Variants in IMPG1 observed in about 807,000 individuals in gnomAD.
The protein encoded by IMPG1 is interphotoreceptor matrix proteoglycan 1.
In IMPG1, 85 loss-of-function variants were observed where a neutral mutation model predicts 92.0. The observed-to-expected ratio is 0.92, with a 90% CI of 0.78 to 1.11. The LOEUF (loss-of-function observed/expected upper bound fraction) is 1.11. IMPG1 is among the 50% of genes least tolerant of loss of function. IMPG1 has a pLI of 0.00. For missense variants in IMPG1, 1,022 were observed against 956.0 expected (o/e 1.07, Z -0.91); for synonymous variants, 367 against 334.1 (o/e 1.10, Z -1.08).
chr6:76,061,641 T>G (rs1336568354), intron 1 of IMPG1, among the ~76,000 whole-genome samples: 1 of 152,212 alleles, frequency 6.6e-6, no homozygotes, highest in Non-Finnish European at 1.5e-5. Flanking sequence ...CCAAATGTAA[T>G]GTAAAAGACA....
chr6:75,941,431 G>A (rs1781834951), intron 14 of IMPG1, among the ~76,000 whole-genome samples: 2 of 152,180 alleles, frequency 1.3e-5, no homozygotes, highest in Admixed American at 6.5e-5. Context: ...GGGTCAATCT[G>A]ACCAGCTGCC....
chr6:75,947,468 G>C lies in IMPG1; in HGVS notation c.1890C>G (p.Asn630Lys). The C allele has an allele frequency of 6.2e-7, 1 of 1,613,660 alleles. No homozygotes were observed. Among genetic ancestry groups the C allele is most frequent in the South Asian group, 1.1e-5 (1 of 91,068 alleles). ...TTTTGCTATTCACAATCACACTCCC[G>C]TTTCTGAAGTTAAGTATTTCAAGTT... ...FKQLEILNFRNGSVIVNSKMK... is the reference protein window; with the variant it reads ...FKQLEILNFRKGSVIVNSKMK... The change falls in exon 14 of 17, where the codon AAC (asparagine) becomes AAG (lysine). Residue 630 changes from asparagine to lysine, a missense_variant. Physicochemically the swap from Asn to Lys is moderately conservative, Grantham distance 94. Around this residue, in one of 3 missense-constraint regions of IMPG1, gnomAD observed 332 missense variants for 346.2 expected, o/e 0.96. Transcript: ENST00000369950.
At chr6:75,989,702 G>A (rs1351730452) in intron 12 of IMPG1, among the ~76,000 whole-genome samples, 1 of 152,158 alleles carries the variant, frequency 6.6e-6, no homozygotes, top group African/African-American at 2.4e-5. Context: ...AATGAGCTGG[G>A]TGTGGTGGCG....
chr6:75,931,726 GATTA>G (rs1349572606), intron 14 of IMPG1, among the ~76,000 whole-genome samples: 2 of 152,114 alleles, frequency 1.3e-5, no homozygotes, highest in African/African-American at 4.8e-5. Flanking sequence ...CATTCTTTTG[GATTA>G]ATTATTTCTT....
At chr6:76,002,547 A>G (rs576216217) in intron 12 of IMPG1, among the ~76,000 whole-genome samples, 3 of 152,320 alleles carry the variant, frequency 2.0e-5, no homozygotes, top group East Asian at 1.9e-4. Flanking sequence ...GCTGCTTGTC[A>G]TGGACTTGGG....
At position 75,950,545 on chromosome 6, in the gene IMPG1, G is replaced by A. The variant is rs1221858795; in HGVS notation, c.1824+17C>T. The stretch of plus-strand genomic sequence containing the variant: ...GAAGAGACAAAGAATTGGGAATTGT[G>A]AGCAGTGCCCACTCACCAGCTGTGT... On this transcript the variant is annotated intron_variant, in intron 13 of 16. Transcript: ENST00000369950. 1.3e-6 allele frequency: 2 copies of A among 1,564,770 alleles called. No individual in the cohort carries two copies. The highest frequency in any genetic ancestry group is 2.4e-5 in the South Asian group (2 of 82,780).
intron 12 of IMPG1, among the ~76,000 whole-genome samples, chr6:75,964,295 A>G (rs550923258): frequency 6.6e-4 from 101 of 152,346 alleles, no homozygotes; most frequent in African/African-American, 2.3e-3. Context: ...TAGACAGTGC[A>G]TAACATTGTA....
chr6:76,059,870 C>A (rs1784176415), intron 1 of IMPG1, among the ~76,000 whole-genome samples: 1 of 152,156 alleles, frequency 6.6e-6, no homozygotes, highest in Admixed American at 6.5e-5. Flanking sequence ...GATCTGGGTA[C>A]AATGGGTTAA....
At position 76,068,606 on chromosome 6, in the gene IMPG1, T is replaced by C. The variant is rs544700422; in HGVS notation, c.67+3816A>G. ...CTCAGCTTACCGCAATTTCCACCCCTGTTGAGTTCAAGTGATTTTCCTGCC... is the reference window on the plus strand; with the variant it reads ...CTCAGCTTACCGCAATTTCCACCCCCGTTGAGTTCAAGTGATTTTCCTGCC... On this transcript the variant is annotated intron_variant, in intron 1 of 16. Coordinates refer to ENST00000369950, the MANE Select transcript of IMPG1 (RefSeq NM_001563.4). Among the ~76,000 whole-genome samples, 308 of 144,066 alleles carry C rather than the reference T, an allele frequency of 2.1e-3. 2 individuals carry two copies. The highest frequency in any genetic ancestry group is 3.8e-3 in the Non-Finnish European group (256 of 66,802). The allele number at this position is 144,066 out of a possible 152,430, so 94.5% of individuals were successfully genotyped here.
In IMPG1 at chr6:75,979,665, G is replaced by A. The variant is rs544924179; in HGVS notation, c.1291+23253C>T. On this transcript the variant is annotated intron_variant, in intron 12 of 16. Transcript: ENST00000369950. ...GATATTTTAGTAAACGCCAAGCAAG[G>A]AGTCCAGATATTCATTTTTGCAATG... Among the ~76,000 whole-genome samples the A allele has an allele frequency of 2.4e-4, 37 of 152,286 alleles. 1 individual carries two copies. Among genetic ancestry groups the A allele is most frequent in the Admixed American group, 1.9e-3 (29 of 15,298 alleles).
intron 1 of IMPG1, among the ~76,000 whole-genome samples, chr6:76,050,252 C>T (rs1185673408): frequency 6.6e-6 from 1 of 151,932 alleles, no homozygotes; most frequent in Non-Finnish European, 1.5e-5. Context: ...CTAGCCTGGC[C>T]AACATGGTGA....
rs1055688042 is a variant in IMPG1, at chr6:76,025,147, T to C, written c.562+47A>G. 2.9e-6 allele frequency: 3 copies of C among 1,047,056 alleles called. No homozygotes were observed. In the African/African-American group the frequency reaches 4.8e-5, roughly 17 times the overall value. 64.9% of individuals were successfully genotyped at this position (1,047,056 alleles called of 1,614,324 possible). A position where few individuals can be genotyped will look rare whatever the true frequency, so the allele number is the denominator to read the frequency against. On this transcript the variant is annotated intron_variant, in intron 5 of 16. Transcript: ENST00000369950. ...TTTTATAAATAACATGCTATCATGA[T>C]GATTTGAATGAAAGTTGAGAAGCAA...
rs368767893 is a variant in IMPG1 at position 76,035,635 on chromosome 6, A to G, written c.302-848T>C. ...CTTGAAGACTTTCCAAGTGATGAGCAGGCACACAATATTTAAAGAGAATCA... is the reference window on the plus strand; with the variant it reads ...CTTGAAGACTTTCCAAGTGATGAGCGGGCACACAATATTTAAAGAGAATCA... On this transcript the variant is annotated intron_variant, in intron 2 of 16. Transcript: ENST00000369950. Among the ~76,000 whole-genome samples the G allele has an allele frequency of 1.7e-4, 26 of 152,316 alleles. No homozygotes were observed. The East Asian group carries it at 2.5e-3, about 15-fold the overall frequency.
intron 14 of IMPG1, among the ~76,000 whole-genome samples, chr6:75,940,470 TAA>T (rs1488538357): frequency 6.6e-6 from 1 of 152,258 alleles, no homozygotes; most frequent in African/African-American, 2.4e-5. Flanking sequence ...ATATTTTTCC[TAA>T]GTTTTTCCAA....
chr6:75,952,266 T>C (rs1782046144), intron 12 of IMPG1, among the ~76,000 whole-genome samples: 1 of 152,090 alleles, frequency 6.6e-6, no homozygotes, highest in South Asian at 2.1e-4. Context: ...TTTTGGCAAA[T>C]ATGCAGGAAA....
At chr6:75,962,695 T>C (rs1439119987) in intron 12 of IMPG1, among the ~76,000 whole-genome samples, 1 of 151,926 alleles carries the variant, frequency 6.6e-6, no homozygotes, top group African/African-American at 2.4e-5. Context: ...ACAATTGCAA[T>C]GGAAAGTTTG....
intron 1 of IMPG1, among the ~76,000 whole-genome samples, chr6:76,071,089 A>G (rs954121530): frequency 4.0e-5 from 6 of 149,596 alleles, no homozygotes; most frequent in Non-Finnish European, 7.4e-5. Context: ...TTCAATTCCT[A>G]TATGTATAAT....
Position 75,923,627 on chromosome 6 carries a change from A to AT in IMPG1, c.2316+6dup, listed in dbSNP as rs762256285. Reference sequence around the variant, plus strand: ...AATTGCAACCAACTTAGAAAGTATGATTTTACCTTGTTATTTTGTTGATTT... The same window carrying AT: ...AATTGCAACCAACTTAGAAAGTATGATTTTTACCTTGTTATTTTGTTGATTT... On this transcript the variant is annotated splice_region_variant and intron_variant, in intron 16 of 16. Transcript: ENST00000369950. The AT allele has an allele frequency of 1.1e-5, 15 of 1,420,432 alleles. No individual in the cohort carries two copies. In the African/African-American group the frequency reaches 1.5e-4, roughly 14 times the overall value. The allele number at this position is 1,420,432 out of a possible 1,614,324, so 88.0% of individuals were successfully genotyped here.
intron 2 of IMPG1, among the ~76,000 whole-genome samples, chr6:76,039,708 G>A (rs555178986): frequency 7.9e-5 from 12 of 152,238 alleles, no homozygotes; most frequent in African/African-American, 2.6e-4. Flanking sequence ...GGAAATAGAG[G>A]GAGAGACACA....
Sources: allele counts gnomAD v4.1 joint callset (sites outside exome capture counted in the v4.1 genomes callset), GRCh38; gene constraint gnomAD v4.1.1; regional missense constraint gnomAD v4.1.1; transcripts MANE v1.5; gene names NCBI Gene and HGNC (gene_info 2026-07-23, HGNC 2026-07-21).